ATAD3B: variants seen among roughly 807,000 people sequenced by gnomAD.
ATAD3B encodes ATPase family AAA domain-containing protein 3B.
Under a neutral mutation model 70.2 loss-of-function variants are expected in ATAD3B, and 59 were observed. The ratio of observed to expected loss-of-function variants is 0.84; its 90% confidence interval spans 0.68 to 1.04. The LOEUF (loss-of-function observed/expected upper bound fraction) is 1.04, where lower values mean the gene tolerates loss of function less well. ATAD3B is among the 50% of genes least tolerant of loss of function. The probability of loss-of-function intolerance (pLI) is 0.00; values close to 1 mark genes in which losing one functional copy is unlikely to be tolerated. For missense variants in ATAD3B, 961 were observed against 913.4 expected (o/e 1.05, Z -0.67); for synonymous variants, 423 against 388.6 (o/e 1.09, Z -1.04).
downstream of ATAD3B, among the ~76,000 whole-genome samples, chr1:1,499,217 C>T (rs1288292627): frequency 1.8e-4 from 27 of 150,776 alleles, no homozygotes; most frequent in African/African-American, 6.4e-4. Flanking sequence ...GTGATCCGCC[C>T]GCCTCGACCT....
At position 1,490,284 on chromosome 1, in the gene ATAD3B, G is replaced by C. The variant is rs2242396; in HGVS notation, c.1365G>C (p.Leu455=). Residue 455 remains leucine (L), a synonymous_variant, in exon 14 of 16, where the codon CTG becomes CTC. Transcript: ENST00000673477. ...TCATGCTGGTCCTGGCCAGCAATCT[G>C]CCTGAGCAGTTCGACTGTGCCATCA... is the stretch of plus-strand genomic sequence containing the variant. ...NKFMLVLASN[L]PEQFDCAINS... 1 of 1,613,034 alleles carries C rather than the reference G, an allele frequency of 6.2e-7. No individual in the cohort carries two copies. Among genetic ancestry groups the C allele is most frequent in the Admixed American group, 1.7e-5 (1 of 59,996 alleles).
intron 15 of ATAD3B, among the ~76,000 whole-genome samples, chr1:1,494,821 G>A (rs1001380097): frequency 6.6e-6 from 1 of 152,012 alleles, no homozygotes; most frequent in African/African-American, 2.4e-5. Flanking sequence ...GGCACCTAGT[G>A]GGGGTCCCCA....
At position 1,496,345 on chromosome 1, in the gene ATAD3B, G is replaced by C. The variant is rs1570287532; in HGVS notation, c.*528G>C. The stretch of plus-strand genomic sequence containing the variant: ...TCACAGAGCGGTGTGCTTCACATCA[G>C]CCTCGCGCCACATCCGAGTTGGGGT... On this transcript the variant is annotated 3_prime_UTR_variant, in exon 16 of 16. Transcript: ENST00000673477. The C allele has an allele frequency of 1.3e-6, 1 of 742,406 alleles. No individual in the cohort carries two copies. The highest frequency in any genetic ancestry group is 6.3e-5 in the Admixed American group (1 of 15,984). 46.0% of individuals were successfully genotyped at this position (742,406 alleles called of 1,614,324 possible). A position where few individuals can be genotyped will look rare whatever the true frequency, so the allele number is the denominator to read the frequency against.
At chr1:1,495,247 C>T (rs1640721343) in intron 15 of ATAD3B, among the ~76,000 whole-genome samples, 1 of 152,052 alleles carries the variant, frequency 6.6e-6, no homozygotes, top group African/African-American at 2.4e-5. Context: ...TTTCTATTAT[C>T]AGAAAGTCAT....
intron 5 of ATAD3B, among the ~76,000 whole-genome samples, chr1:1,481,366 G>A (rs1022021537): frequency 1.2e-4 from 7 of 56,364 alleles, no homozygotes; most frequent in African/African-American, 7.6e-4. Context: ...GTAGAGAAAG[G>A]GTTTCACTGT....
At position 1,485,247 on chromosome 1, in the gene ATAD3B, C is replaced by G. The variant is rs1028377337; in HGVS notation, c.906+76C>G. On this transcript the variant is annotated intron_variant, in intron 8 of 15. Coordinates refer to ENST00000673477, the MANE Select transcript of ATAD3B (RefSeq NM_031921.6). ...TTCTGCCCCACGAGCACAGCCCACGCACACCCTCCCGTCCCTTCCCTTTCC... is the reference window on the plus strand; with the variant it reads ...TTCTGCCCCACGAGCACAGCCCACGGACACCCTCCCGTCCCTTCCCTTTCC... The G allele has an allele frequency of 2.3e-5, 36 of 1,567,996 alleles. No individual in the cohort carries two copies. The Admixed American group carries it at 6.2e-4, about 27-fold the overall frequency.
At position 1,479,031 on chromosome 1, in the gene ATAD3B, C is replaced by G; in HGVS notation, c.385-18C>G. 1 of 1,126,250 alleles carries G rather than the reference C, an allele frequency of 8.9e-7. No individual in the cohort carries two copies. Among genetic ancestry groups the G allele is most frequent in the Admixed American group, 2.4e-5 (1 of 42,206 alleles). The allele number at this position is 1,126,250 out of a possible 1,614,324, so 69.8% of individuals were successfully genotyped here. A position where few individuals can be genotyped will look rare whatever the true frequency, so the allele number is the denominator to read the frequency against. On this transcript the variant is annotated intron_variant, in intron 3 of 15. Transcript: ENST00000673477. The stretch of plus-strand genomic sequence containing the variant: ...GCTCCCGGCTGAGATGTGTCTTTGC[C>G]GCCCTCTTCTCCCCCAGAGGGCCCA...
At chr1:1,478,122 G>A (rs1237507745) in intron 2 of ATAD3B, 8 of 207,600 alleles carry the variant, frequency 3.9e-5, no homozygotes, top group Admixed American at 1.1e-4. Flanking sequence ...TCAGCCTTCC[G>A]AGCAGCTGGG....
chr1:1,493,981 T>G (rs1462725272), intron 15 of ATAD3B, among the ~76,000 whole-genome samples: 2 of 151,864 alleles, frequency 1.3e-5, no homozygotes, highest in Admixed American at 1.3e-4. Flanking sequence ...GTTTGAGGAG[T>G]GGTACTGATT....
At chr1:1,473,503 C>CT (rs904291333) in intron 1 of ATAD3B, among the ~76,000 whole-genome samples, 89 of 142,362 alleles carry the variant, frequency 6.3e-4, no homozygotes, top group South Asian at 9.0e-4. Context: ...CGCATGCCAC[C>CT]TTTTTTTTTT....
downstream of ATAD3B, among the ~76,000 whole-genome samples, chr1:1,500,144 C>G (rs186758134): frequency 6.6e-6 from 1 of 151,048 alleles, no homozygotes; most frequent in African/African-American, 2.4e-5. Context: ...GCGATCCACC[C>G]GCCTCAGCCT....
At chr1:1,494,249 C>T (rs1557432111) in intron 15 of ATAD3B, among the ~76,000 whole-genome samples, 2 of 146,378 alleles carry the variant, frequency 1.4e-5, no homozygotes, top group South Asian at 2.1e-4. Context: ...TGCCAGGTCC[C>T]GTGCTTCCTG....
chr1:1,485,088 A>G lies in ATAD3B; in HGVS notation c.823A>G (p.Ile275Val), dbSNP rs759068482. Residue 275 changes from isoleucine (I) to valine (V), a missense_variant, in exon 8 of 16, where the codon ATC (isoleucine) becomes GTC (valine). Ile to Val is a conservative substitution (Grantham distance 29). Coordinates refer to ENST00000673477, the MANE Select transcript of ATAD3B (RefSeq NM_031921.6). ...TGCGACAGCCGTCACTGGCCGCTTCATCGAGGCTCGGCTGGGGAAGCCGTC... is the reference window on the plus strand; with the variant it reads ...TGCGACAGCCGTCACTGGCCGCTTCGTCGAGGCTCGGCTGGGGAAGCCGTC... ...KNATAVTGRF[I>V]EARLGKPSLV... 7.5e-6 allele frequency: 12 copies of G among 1,610,516 alleles called. No individual in the cohort carries two copies. The East Asian group carries it at 2.7e-4, about 36-fold the overall frequency.
At chr1:1,480,509 G>T (rs1215080570) in intron 4 of ATAD3B, among the ~76,000 whole-genome samples, 2 of 147,596 alleles carry the variant, frequency 1.4e-5, no homozygotes, top group Non-Finnish European at 3.0e-5. Flanking sequence ...TTCACATGTT[G>T]CCTGTTGTGG....
the ATAD3B span, among the ~76,000 whole-genome samples, chr1:1,503,882 C>T: frequency 6.6e-6 from 1 of 151,856 alleles, no homozygotes; most frequent in East Asian, 1.9e-4. Flanking sequence ...TTGGTGAGGG[C>T]GTCTGGTTGT....
At chr1:1,483,771 A>T (rs1324975340) in intron 7 of ATAD3B, 4 of 152,592 alleles carry the variant, frequency 2.6e-5, no homozygotes, top group Non-Finnish European at 5.9e-5. Context: ...ATTGCACTCC[A>T]GCCTGGCCAC....
intron 12 of ATAD3B, among the ~76,000 whole-genome samples, 171 bp downstream of exon 12, chr1:1,488,085 G>C (rs1570257083): frequency 6.6e-6 from 1 of 151,996 alleles, no homozygotes; most frequent in Non-Finnish European, 1.5e-5. Context: ...CCCCTGAGTA[G>C]CTGGGATTAC....
rs542890888 is a variant in ATAD3B at position 1,477,270 on chromosome 1, G to A, written c.206-4G>A. On this transcript the variant is annotated splice_region_variant and splice_polypyrimidine_tract_variant and intron_variant, in intron 1 of 15. Transcript: ENST00000673477. The stretch of plus-strand genomic sequence containing the variant: ...CCTGCTCTCCGTGCCACATGCGCCC[G>A]CAGGTTACGCCAAGGAGGCCCTGAA... The A allele has an allele frequency of 1.4e-5, 22 of 1,612,222 alleles. No individual in the cohort carries two copies. Among genetic ancestry groups the A allele is most frequent in the East Asian group, 6.7e-5 (3 of 44,878 alleles).
At chr1:1,490,022 C>A in intron 13 of ATAD3B, 1 of 1,377,620 alleles carries the variant, frequency 7.3e-7, no homozygotes, top group East Asian at 2.9e-5. Context: ...GGGGAAGTAC[C>A]ACACAGGGCA....
Sources: allele counts gnomAD v4.1 joint callset (sites outside exome capture counted in the v4.1 genomes callset), GRCh38; gene constraint gnomAD v4.1.1; transcripts MANE v1.5; gene names NCBI Gene and HGNC (gene_info 2026-07-23, HGNC 2026-07-21).